The following FOXO1 variants were observed in gnomAD, a reference collection of about 807,000 sequenced individuals.
FOXO1 encodes forkhead box protein O1.
In FOXO1, 6 loss-of-function variants were observed where a neutral mutation model predicts 44.1. The observed-to-expected ratio is 0.14, with a 90% CI of 0.07 to 0.27. The LOEUF is 0.27. Ranked by LOEUF, FOXO1 falls within the 10% of genes least tolerant of loss-of-function variation. FOXO1 has a pLI of 1.00. For missense variants in FOXO1, 737 were observed against 888.8 expected, an observed-to-expected ratio of 0.83 and a Z score of 2.17; for synonymous variants, 380 against 362.7, an observed-to-expected ratio of 1.05 and a Z score of -0.54.
At chr13:40,628,747 T>C (rs1449639700) in intron 1 of FOXO1, among the ~76,000 whole-genome samples, 4 of 152,098 alleles carry the variant, frequency 2.6e-5, no homozygotes, top group Non-Finnish European at 4.4e-5. Flanking sequence ...TTTGAAATAA[T>C]ACAAAACACT....
intron 1 of FOXO1, among the ~76,000 whole-genome samples, chr13:40,658,782 G>A (rs1182374326): frequency 6.6e-6 from 1 of 152,054 alleles, no homozygotes; most frequent in Non-Finnish European, 1.5e-5. Flanking sequence ...GGCCGAGGCG[G>A]GTGGATCACA....
intron 1 of FOXO1, among the ~76,000 whole-genome samples, chr13:40,579,824 G>C (rs1304008607): frequency 6.6e-6 from 1 of 152,174 alleles, no homozygotes. Context: ...GATCAGTGTA[G>C]AACCTAACTA....
chr13:40,585,524 GT>G (rs1272709408), intron 1 of FOXO1, among the ~76,000 whole-genome samples: 1 of 152,206 alleles, frequency 6.6e-6, no homozygotes, highest in Non-Finnish European at 1.5e-5. Flanking sequence ...CAGAGAAAGG[GT>G]AATCACTTCT....
At chr13:40,603,243 A>G (rs913371050) in intron 1 of FOXO1, among the ~76,000 whole-genome samples, 6 of 151,224 alleles carry the variant, frequency 4.0e-5, no homozygotes, top group Non-Finnish European at 8.8e-5. Context: ...AAAGTAGGTT[A>G]GCTATGGCTT....
At chr13:40,609,017 G>A (rs893554226) in intron 1 of FOXO1, among the ~76,000 whole-genome samples, 1 of 152,088 alleles carries the variant, frequency 6.6e-6, no homozygotes, top group African/African-American at 2.4e-5. Context: ...ATGACTTTTG[G>A]TATTTTTAAT....
chr13:40,606,822 C>T (rs1464273329), intron 1 of FOXO1, among the ~76,000 whole-genome samples: 1 of 152,162 alleles, frequency 6.6e-6, no homozygotes, highest in African/African-American at 2.4e-5. Flanking sequence ...CCTGCAACTC[C>T]CACATCCAAC....
chr13:40,644,290 T>C (rs539605920), intron 1 of FOXO1, among the ~76,000 whole-genome samples: 10 of 152,268 alleles, frequency 6.6e-5, no homozygotes, highest in Non-Finnish European at 1.3e-4. Flanking sequence ...CCCAACAATC[T>C]GCGATTAGCA....
At chr13:40,665,059 G>A (rs1040193296) in intron 1 of FOXO1, among the ~76,000 whole-genome samples, 12 of 151,720 alleles carry the variant, frequency 7.9e-5, no homozygotes, top group African/African-American at 2.9e-4. Context: ...CACCGTCCCC[G>A]GCCGGTCGCG....
At chr13:40,641,486 T>C (rs1877351610) in intron 1 of FOXO1, among the ~76,000 whole-genome samples, 1 of 152,108 alleles carries the variant, frequency 6.6e-6, no homozygotes, top group Middle Eastern at 3.4e-3. Context: ...GATGAGCCAG[T>C]AAGACTTCTA....
intron 1 of FOXO1, among the ~76,000 whole-genome samples, chr13:40,566,659 G>A (rs372240751): frequency 4.6e-5 from 7 of 152,100 alleles, no homozygotes; most frequent in Admixed American, 6.5e-5. Flanking sequence ...GATTACAGGC[G>A]TGAGCCACTG....
intron 1 of FOXO1, among the ~76,000 whole-genome samples, chr13:40,609,008 T>C (rs576475261): frequency 1.2e-4 from 19 of 152,326 alleles, no homozygotes; most frequent in African/African-American, 4.6e-4. Context: ...TAAAATACAA[T>C]GACTTTTGGT....
At chr13:40,658,574 G>A (rs1326811497) in intron 1 of FOXO1, among the ~76,000 whole-genome samples, 1 of 152,138 alleles carries the variant, frequency 6.6e-6, no homozygotes, top group East Asian at 1.9e-4. Flanking sequence ...CAGAGAAAAA[G>A]TCCACAACTA....
intron 1 of FOXO1, among the ~76,000 whole-genome samples, chr13:40,654,926 G>T (rs546011530): frequency 1.4e-4 from 22 of 152,198 alleles, no homozygotes; most frequent in Admixed American, 4.6e-4. Context: ...TTCAAAATTA[G>T]AACCAAGATG....
At chr13:40,648,149 G>T (rs1877568549) in intron 1 of FOXO1, among the ~76,000 whole-genome samples, 1 of 152,122 alleles carries the variant, frequency 6.6e-6, no homozygotes, top group Non-Finnish European at 1.5e-5. Context: ...TACAGTAGAG[G>T]AAAGCCATAT....
intron 1 of FOXO1, among the ~76,000 whole-genome samples, chr13:40,643,647 T>G (rs953815508): frequency 6.6e-6 from 1 of 152,192 alleles, no homozygotes; most frequent in African/African-American, 2.4e-5. Flanking sequence ...CTAGGAAAGA[T>G]AGGTCTAAAG....
chr13:40,642,016 G>A (rs771334903), intron 1 of FOXO1, among the ~76,000 whole-genome samples: 2 of 151,982 alleles, frequency 1.3e-5, no homozygotes, highest in African/African-American at 2.4e-5. Flanking sequence ...AATACACATT[G>A]GCATCTTGAG....
Position 40,665,536 on chromosome 13 carries a change from T to G in FOXO1, c.630+47A>C, listed in dbSNP as rs755552319. The G allele has an allele frequency of 7.5e-6, 10 of 1,340,378 alleles. No individual in the cohort carries two copies. The African/African-American group carries it at 1.3e-4, about 18-fold the overall frequency. The allele number at this position is 1,340,378 out of a possible 1,614,324, so 83.0% of individuals were successfully genotyped here. On this transcript the variant is annotated intron_variant, in intron 1 of 2. Transcript: ENST00000379561. ...AAACCTGCACAGCTGCGCCCTCGCC[T>G]GACCCACCGCGCCCCCAAGGTCCGG...
intron 1 of FOXO1, among the ~76,000 whole-genome samples, chr13:40,652,637 A>C (rs1877723047): frequency 6.6e-6 from 1 of 152,228 alleles, no homozygotes; most frequent in Non-Finnish European, 1.5e-5. Context: ...GATGTTACTT[A>C]TGCAACTCTA....
At chr13:40,582,271 T>C (rs1406451036) in intron 1 of FOXO1, among the ~76,000 whole-genome samples, 2 of 152,262 alleles carry the variant, frequency 1.3e-5, no homozygotes, top group Non-Finnish European at 2.9e-5. Flanking sequence ...TGTTAAAATA[T>C]GCTAATAATC....
Sources: allele counts gnomAD v4.1 joint callset (sites outside exome capture counted in the v4.1 genomes callset), GRCh38; gene constraint gnomAD v4.1.1; transcripts MANE v1.5; gene names NCBI Gene and HGNC (gene_info 2026-07-23, HGNC 2026-07-21).